The following ABLIM2 variants were observed in gnomAD, a reference collection of about 807,000 sequenced individuals.
ABLIM2 encodes actin binding LIM protein family member 2.
In ABLIM2, 53 loss-of-function variants were observed where a neutral mutation model predicts 97.7. The observed-to-expected ratio is 0.54, with a 90% CI of 0.44 to 0.68. The LOEUF is 0.68. Among genes scored for constraint, ABLIM2 ranks in the 30% least tolerant of loss-of-function variants. The pLI, the probability that ABLIM2 is intolerant of heterozygous loss-of-function variation, is 0.00. For synonymous variants in ABLIM2, 361 were observed against 345.8 expected (o/e 1.04, Z -0.49); for missense variants, 835 against 867.2 (o/e 0.96, Z 0.47).
intron 14 of ABLIM2, among the ~76,000 whole-genome samples, chr4:8,014,586 C>A (rs541875686): frequency 6.6e-6 from 1 of 152,224 alleles, no homozygotes; most frequent in African/African-American, 2.4e-5. Flanking sequence ...TGGCCGTGGG[C>A]AAATCCGCTA....
chr4:8,119,468 T>C (rs1844319595), intron 1 of ABLIM2, among the ~76,000 whole-genome samples: 1 of 151,842 alleles, frequency 6.6e-6, no homozygotes, highest in Admixed American at 6.6e-5. Flanking sequence ...GCTGGGATTA[T>C]AGGTGCGTGC....
intron 20 of ABLIM2, among the ~76,000 whole-genome samples, chr4:7,967,530 C>CG (rs1723876113): frequency 6.6e-6 from 1 of 152,198 alleles, no homozygotes; most frequent in Admixed American, 6.5e-5. Context: ...GGTTTACCCC[C>CG]GGGACTTCGT....
Position 8,082,972 on chromosome 4 carries a change from C to G in ABLIM2, c.455-2170G>C, listed in dbSNP as rs1820884861. On this transcript the variant is annotated intron_variant, in intron 4 of 20. Transcript: ENST00000447017. The surrounding 1 kb of genome is among the most constrained non-coding windows in gnomAD (Gnocchi z 5.6). ...GCTCTCAACTTGGGGCACTTTTGCC[C>G]AAGAGACATTTGGCAATGTCTGGCG... Among the ~76,000 whole-genome samples the G allele has an allele frequency of 6.6e-6, 1 of 152,164 alleles. No homozygotes were observed. Among genetic ancestry groups the G allele is most frequent in the Non-Finnish European group, 1.5e-5 (1 of 68,020 alleles).
At chr4:8,018,516 C>G (rs79216311) in intron 14 of ABLIM2, among the ~76,000 whole-genome samples, 1 of 152,182 alleles carries the variant, frequency 6.6e-6, no homozygotes, top group East Asian at 1.9e-4. Context: ...ATGGTAGAAG[C>G]CATCATTTCT....
chr4:8,103,791 C>T (rs553982983), intron 2 of ABLIM2, among the ~76,000 whole-genome samples: 4 of 152,346 alleles, frequency 2.6e-5, no homozygotes, highest in East Asian at 1.9e-4. Flanking sequence ...GCTATGAGTC[C>T]GCTGGGTCAC....
intron 5 of ABLIM2, among the ~76,000 whole-genome samples, chr4:8,079,306 G>T (rs948030915): frequency 6.6e-5 from 10 of 152,190 alleles, no homozygotes; most frequent in Admixed American, 3.3e-4. Context: ...CAACACCAAC[G>T]CCCTCCTTGT....
At chr4:8,094,301 G>C (rs2152607892) in intron 3 of ABLIM2, among the ~76,000 whole-genome samples, 1 of 152,192 alleles carries the variant, frequency 6.6e-6, no homozygotes, top group East Asian at 1.9e-4. Flanking sequence ...TGGGCCTATT[G>C]CTGCAGCAGG....
At chr4:8,074,008 A>T (rs145475731) in intron 6 of ABLIM2, among the ~76,000 whole-genome samples, 6,473 of 146,790 alleles carry the variant, frequency 0.044, 205 homozygotes, top group Admixed American at 0.08. Flanking sequence ...AATGGCTTGA[A>T]CCCAGGAGGT....
intron 20 of ABLIM2, among the ~76,000 whole-genome samples, chr4:7,973,635 T>C (rs1730129798): frequency 6.6e-6 from 1 of 152,174 alleles, no homozygotes; most frequent in Non-Finnish European, 1.5e-5. Flanking sequence ...AGCAATGGCA[T>C]TTATGACTAA....
rs181986954 is a variant in ABLIM2, at chr4:7,968,030, G to A, written c.1825-927C>T. Among the ~76,000 whole-genome samples the A allele has an allele frequency of 3.3e-3, 496 of 152,338 alleles. 1 individual carries two copies. The highest frequency in any genetic ancestry group is 5.4e-3 in the Admixed American group (82 of 15,310). ...TCCTCAGCAGGCTCTGAGAAACCCCGCATCCCTCAGAGCTGGCTCAGGCGT... is the reference window on the plus strand; with the variant it reads ...TCCTCAGCAGGCTCTGAGAAACCCCACATCCCTCAGAGCTGGCTCAGGCGT... On this transcript the variant is annotated intron_variant, in intron 20 of 20. Coordinates refer to ENST00000447017, the MANE Select transcript of ABLIM2 (RefSeq NM_001130083.2).
At chr4:8,137,192 G>A (rs994671021) in intron 1 of ABLIM2, among the ~76,000 whole-genome samples, 1 of 152,186 alleles carries the variant, frequency 6.6e-6, no homozygotes, top group Admixed American at 6.5e-5. Flanking sequence ...ACACTGACCT[G>A]GGCACTCCTC....
In ABLIM2 at chr4:8,056,493, G is replaced by T. The variant is rs553619809; in HGVS notation, c.764-2247C>A. Among the ~76,000 whole-genome samples the T allele has an allele frequency of 7.3e-5, 11 of 151,696 alleles. No homozygotes were observed. The East Asian group carries it at 2.2e-3, about 30-fold the overall frequency. ...TTTTTCATTTTTTTGTAGAGATGGG[G>T]TCTCACTATATTGACTAGGCTGGTC... On this transcript the variant is annotated intron_variant, in intron 7 of 20. Transcript: ENST00000447017.
chr4:8,081,007 C>T (rs1029315768), intron 4 of ABLIM2, among the ~76,000 whole-genome samples: 2 of 152,296 alleles, frequency 1.3e-5, no homozygotes, highest in Middle Eastern at 3.4e-3. Context: ...TTTGACCCTG[C>T]ATGCATTGAG....
chr4:8,118,433 G>A (rs1358475207), intron 1 of ABLIM2, among the ~76,000 whole-genome samples: 1 of 152,160 alleles, frequency 6.6e-6, no homozygotes, highest in Non-Finnish European at 1.5e-5. Context: ...TTTCTAATCT[G>A]AGTCGGCCTC....
chr4:7,988,636 T>C (rs1367708751), intron 17 of ABLIM2, among the ~76,000 whole-genome samples: 4 of 152,252 alleles, frequency 2.6e-5, no homozygotes, highest in African/African-American at 9.6e-5. Flanking sequence ...GGAAGCAAGA[T>C]AGAGCAGGAA....
Position 8,043,605 on chromosome 4 carries a change from C to T in ABLIM2, c.900+1559G>A, listed in dbSNP as rs1277270262. 1.3e-5 allele frequency among the ~76,000 whole-genome samples: 2 copies of T among 152,060 alleles called. No homozygotes were observed. Among genetic ancestry groups the T allele is most frequent in the Non-Finnish European group, 2.9e-5 (2 of 68,018 alleles). ...AGGACCCGGATGCACACAGATGACCCGTGATGATGCAAGGAGAGGACGGCC... is the reference window on the plus strand; with the variant it reads ...AGGACCCGGATGCACACAGATGACCTGTGATGATGCAAGGAGAGGACGGCC... On this transcript the variant is annotated intron_variant, in intron 9 of 20. Coordinates refer to ENST00000447017, the MANE Select transcript of ABLIM2 (RefSeq NM_001130083.2). The surrounding 1 kb of genome is among the most constrained non-coding windows in gnomAD (Gnocchi z 4.8).
At chr4:8,014,755 T>C (rs1767630576) in intron 14 of ABLIM2, among the ~76,000 whole-genome samples, 1 of 152,188 alleles carries the variant, frequency 6.6e-6, no homozygotes. Flanking sequence ...GTTTCTCCTC[T>C]CTTGAGTCAG....
chr4:8,104,647 C>T (rs568560477), intron 2 of ABLIM2, among the ~76,000 whole-genome samples: 2 of 152,254 alleles, frequency 1.3e-5, no homozygotes, highest in East Asian at 1.9e-4. Context: ...ATGGTGCAGC[C>T]CCCTTGGGGT....
In ABLIM2 at chr4:8,068,449, G is replaced by C. The variant is rs1809527531; in HGVS notation, c.676-7395C>G. 6.6e-6 allele frequency among the ~76,000 whole-genome samples: 1 copy of C among 152,202 alleles called. No homozygotes were observed. Among genetic ancestry groups the C allele is most frequent in the Non-Finnish European group, 1.5e-5 (1 of 68,024 alleles). Reference sequence around the variant, plus strand: ...AGGGACGTCCCCACTGTGACGTGCAGAATAGGGCCAGCAGGACAGAGGTGT... The same window carrying C: ...AGGGACGTCCCCACTGTGACGTGCACAATAGGGCCAGCAGGACAGAGGTGT... On this transcript the variant is annotated intron_variant, in intron 6 of 20. Coordinates refer to ENST00000447017, the MANE Select transcript of ABLIM2 (RefSeq NM_001130083.2). The surrounding 1 kb of genome is among the most constrained non-coding windows in gnomAD (Gnocchi z 4.5).
Sources: gnomAD v4.1 joint callset for allele counts (sites outside exome capture counted in the v4.1 genomes callset) on GRCh38, gnomAD v4.1.1 for gene constraint, Gnocchi (gnomAD v3.1) non-coding constraint, MANE v1.5 for transcripts, NCBI Gene and HGNC (gene_info 2026-07-23, HGNC 2026-07-21) for gene names.